DNAH14: variants seen among roughly 807,000 people sequenced by gnomAD.
The protein encoded by DNAH14 is axonemal beta dynein heavy chain 14.
DNAH14 carries 478 observed loss-of-function variants against 520.9 expected under a neutral mutation model. That is an observed-to-expected ratio of 0.92 (90% CI 0.85 to 0.99). DNAH14 has a LOEUF of 0.99. Ranked by LOEUF, DNAH14 falls within the 50% of genes least tolerant of loss-of-function variation. The probability of loss-of-function intolerance (pLI) is 0.00; values close to 1 mark genes in which losing one functional copy is unlikely to be tolerated. For missense variants in DNAH14, 4,831 were observed against 5,234.5 expected (o/e 0.92, Z 2.38); for synonymous variants, 1,581 against 1,757.2 (o/e 0.90, Z 2.51).
intron 73 of DNAH14, among the ~76,000 whole-genome samples, chr1:225,355,925 G>T (rs2095424008): frequency 1.3e-5 from 2 of 152,048 alleles, no homozygotes; most frequent in Non-Finnish European, 2.9e-5. Flanking sequence ...ACGGTTGCTG[G>T]CAACCACAAT....
intron 41 of DNAH14, among the ~76,000 whole-genome samples, chr1:225,211,089 C>CCTCTT (rs776901952): frequency 7.9e-5 from 12 of 152,172 alleles, no homozygotes; most frequent in Non-Finnish European, 1.3e-4. Context: ...AACCAGAATG[C>CCTCTT]CTCTTCTCCT....
intron 10 of DNAH14, 33 bp from the exon 11 acceptor site, chr1:225,023,582 A>G (rs1315282466): frequency 2.0e-6 from 3 of 1,472,374 alleles, no homozygotes; most frequent in Admixed American, 2.5e-5. Flanking sequence ...AAGAAAATCA[A>G]TACTTGTTTC....
At chr1:225,335,572 T>G (rs1288475495) in intron 66 of DNAH14, among the ~76,000 whole-genome samples, 1 of 149,776 alleles carries the variant, frequency 6.7e-6, no homozygotes, top group Admixed American at 6.7e-5. Flanking sequence ...TCTATGTATA[T>G]ACGCATATGT....
chr1:225,002,905 T>C lies in DNAH14; in HGVS notation c.953T>C (p.Leu318Pro). ...LKNYNDHENN[L>P]SAICLVKLDS... ...AATTATAATGACCATGAAAATAATC[T>C]ATCTGCCATATGCCTTGTAAAGGTG... Residue 318 changes from leucine to proline, a missense_variant, in exon 9 of 86, where the codon CTA (leucine) becomes CCA (proline). Physicochemically the swap from Leu to Pro is moderately conservative, Grantham distance 98. Transcript: ENST00000682510. 6.5e-7 allele frequency: 1 copy of C among 1,548,968 alleles called. No individual in the cohort carries two copies. The highest frequency in any genetic ancestry group is 8.7e-7 in the Non-Finnish European group (1 of 1,145,262).
At chr1:225,175,579 C>A (rs2083222746) in intron 36 of DNAH14, among the ~76,000 whole-genome samples, 1 of 151,620 alleles carries the variant, frequency 6.6e-6, no homozygotes, top group Non-Finnish European at 1.5e-5. Flanking sequence ...TTTCAATAAA[C>A]AAGGTGTTTG....
At chr1:225,051,867 T>G (rs1369715924) in intron 17 of DNAH14, 72 bp downstream of exon 17, 2 of 1,065,524 alleles carry the variant, frequency 1.9e-6, no homozygotes, top group Non-Finnish European at 2.6e-6. Flanking sequence ...AAATATGTAC[T>G]TAGAGAATAT....
intron 74 of DNAH14, among the ~76,000 whole-genome samples, chr1:225,359,763 G>C (rs1427736550): frequency 1.3e-5 from 2 of 152,198 alleles, no homozygotes; most frequent in Non-Finnish European, 2.9e-5. Context: ...CCAAACAACA[G>C]AATGGAAGCA....
In DNAH14 at chr1:225,114,687, C is replaced by A. The variant is rs2076732092; in HGVS notation, c.3868-2997C>A. 2.6e-5 allele frequency among the ~76,000 whole-genome samples: 4 copies of A among 152,142 alleles called. No individual in the cohort carries two copies. In the South Asian group the frequency reaches 8.3e-4, roughly 32 times the overall value. On this transcript the variant is annotated intron_variant, in intron 23 of 85. Transcript: ENST00000682510. ...TCTGACTGCTGGAATGGATGCTTAC[C>A]CTCTGGCTAGGGCTGGTCTAAATGT...
At chr1:225,255,056 T>C (rs1433849531) in intron 44 of DNAH14, among the ~76,000 whole-genome samples, 2 of 152,358 alleles carry the variant, frequency 1.3e-5, no homozygotes, top group East Asian at 1.9e-4. Flanking sequence ...TTATAAGATA[T>C]TGATATGTAA....
At chr1:225,195,233 G>A (rs1257928971) in intron 38 of DNAH14, among the ~76,000 whole-genome samples, 3 of 151,866 alleles carry the variant, frequency 2.0e-5, no homozygotes, top group African/African-American at 7.3e-5. Flanking sequence ...GCACTACACA[G>A]AATAGCAAAG....
chr1:225,079,920 G>A (rs879815032), intron 18 of DNAH14, among the ~76,000 whole-genome samples: 20 of 151,908 alleles, frequency 1.3e-4, no homozygotes, highest in Admixed American at 1.3e-4. Flanking sequence ...TGATCCACTC[G>A]CCTCAGCCCC....
chr1:225,140,523 GAGTT>G (rs2079347567), intron 27 of DNAH14, among the ~76,000 whole-genome samples: 1 of 152,158 alleles, frequency 6.6e-6, no homozygotes, highest in South Asian at 2.1e-4. Context: ...GCTGGTGTAA[GAGTT>G]AGGAAGATTT....
intron 17 of DNAH14, among the ~76,000 whole-genome samples, chr1:225,061,602 G>T (rs547656593): frequency 6.6e-6 from 1 of 152,186 alleles, no homozygotes; most frequent in African/African-American, 2.4e-5. Flanking sequence ...CTTCTGCGTC[G>T]CTCATGCTGG....
rs1193834939 is a variant in DNAH14, at chr1:225,274,194, G to GTTTTGTT, written c.8010+1071_8010+1072insTTGTTTT. Among the ~76,000 whole-genome samples, 3 of 120,330 alleles carry GTTTTGTT rather than the reference G, an allele frequency of 2.5e-5. No individual in the cohort carries two copies. In the East Asian group the frequency reaches 8.2e-4, roughly 33 times the overall value. 78.9% of individuals were successfully genotyped at this position (120,330 alleles called of 152,430 possible). On this transcript the variant is annotated intron_variant, in intron 52 of 85. Coordinates refer to ENST00000682510, the MANE Select transcript of DNAH14 (RefSeq NM_001367479.1). ...TTTCTCTGCATCCTCACCAGCATCT[G>GTTTTGTT]TTATTTTTTTTTTTTTTTTTTTTTT...
intron 55 of DNAH14, among the ~76,000 whole-genome samples, chr1:225,300,570 A>G (rs889359333): frequency 6.6e-6 from 1 of 152,066 alleles, no homozygotes; most frequent in African/African-American, 2.4e-5. Context: ...GCATGGTGGC[A>G]TGCACCTTTC....
intron 76 of DNAH14, 28 bp downstream of exon 76, chr1:225,364,922 G>A (rs10495239): frequency 0.36 from 535,345 of 1,469,660 alleles, 101,107 homozygotes; most frequent in East Asian, 0.63. Flanking sequence ...CAGATTTAAT[G>A]TTGACTGAGG....
intron 36 of DNAH14, among the ~76,000 whole-genome samples, chr1:225,175,963 C>T (rs1313283497): frequency 6.6e-6 from 1 of 152,006 alleles, no homozygotes; most frequent in African/African-American, 2.4e-5. Context: ...ACTATGTTGC[C>T]CAGACTGGTC....
In DNAH14 at chr1:225,260,018, T is replaced by TTA. The variant is rs754496135; in HGVS notation, c.7157+776_7157+777dup. ...CTTTAAAAGACTAAATAGTATTCCA[T>TTA]TATATATATATACACACACACACAG... On this transcript the variant is annotated intron_variant, in intron 46 of 85. Coordinates refer to ENST00000682510, the MANE Select transcript of DNAH14 (RefSeq NM_001367479.1). Among the ~76,000 whole-genome samples the TTA allele has an allele frequency of 4.7e-3, 709 of 151,746 alleles. 5 individuals carry two copies. Among genetic ancestry groups the TTA allele is most frequent in the African/African-American group, 0.016 (653 of 41,420 alleles).
chr1:224,964,451 A>G (rs2061031415), intron 4 of DNAH14, 28 bp from the exon 5 acceptor site: 3 of 1,583,806 alleles, frequency 1.9e-6, no homozygotes, highest in Non-Finnish European at 2.6e-6. Flanking sequence ...TTGCACTTAT[A>G]CTGGATTTTT....
Sources: gnomAD v4.1 joint callset for allele counts (sites outside exome capture counted in the v4.1 genomes callset) on GRCh38, gnomAD v4.1.1 for gene constraint, MANE v1.5 for transcripts, NCBI Gene and HGNC (gene_info 2026-07-23, HGNC 2026-07-21) for gene names.